The following TRPM8 variants were observed in gnomAD, a reference collection of about 807,000 sequenced individuals.
TRPM8 encodes the protein transient receptor potential cation channel subfamily M member 8.
Under a neutral mutation model 133.7 loss-of-function variants are expected in TRPM8, and 110 were observed. The ratio of observed to expected loss-of-function variants is 0.82; its 90% CI spans 0.70 to 0.96. The LOEUF (loss-of-function observed/expected upper bound fraction) is 0.96. Among genes scored for constraint, TRPM8 ranks in the 40% least tolerant of loss-of-function variants. The probability of loss-of-function intolerance (pLI) is 0.00; values close to 1 mark genes in which losing one functional copy is unlikely to be tolerated. For missense variants in TRPM8, 1,291 were observed against 1,379.5 expected (o/e 0.94, Z 1.02); for synonymous variants, 535 against 532.3 (o/e 1.01, Z -0.07).
intron 8 of TRPM8, 138 bp from the exon 9 acceptor site, chr2:233,949,811 T>C: frequency 1.5e-6 from 1 of 664,414 alleles, no homozygotes. Context: ...TTGCTTCTGA[T>C]TTAAAATAAA....
chr2:233,993,477 A>G (rs1443515163), intron 21 of TRPM8, among the ~76,000 whole-genome samples: 2 of 152,212 alleles, frequency 1.3e-5, no homozygotes, highest in East Asian at 3.8e-4. Flanking sequence ...GTCATTGGTC[A>G]GATGTGTCAA....
At chr2:233,951,736 G>T (rs1205352834) in intron 9 of TRPM8, among the ~76,000 whole-genome samples, 2 of 152,076 alleles carry the variant, frequency 1.3e-5, no homozygotes, top group Admixed American at 6.5e-5. Flanking sequence ...CAGAAAACAT[G>T]CATCAATAAT....
intron 20 of TRPM8, among the ~76,000 whole-genome samples, chr2:233,984,546 G>A (rs1559541697): frequency 6.6e-6 from 1 of 152,206 alleles, no homozygotes; most frequent in East Asian, 1.9e-4. Context: ...TCATCCACTA[G>A]TTTTGTTGAT....
intron 11 of TRPM8, among the ~76,000 whole-genome samples, chr2:233,957,237 G>C (rs866146440): frequency 6.6e-6 from 1 of 152,034 alleles, no homozygotes; most frequent in Non-Finnish European, 1.5e-5. Context: ...TGTAATCCCA[G>C]CACTTTGAGA....
chr2:233,920,178 G>A (rs182848788), intron 1 of TRPM8, among the ~76,000 whole-genome samples: 4 of 152,304 alleles, frequency 2.6e-5, no homozygotes, highest in Admixed American at 1.3e-4. Context: ...AGAAACTGTA[G>A]GAACTGTTGG....
At chr2:233,973,828 G>A (rs1691795971) in intron 17 of TRPM8, among the ~76,000 whole-genome samples, 1 of 152,166 alleles carries the variant, frequency 6.6e-6, no homozygotes, top group Admixed American at 6.5e-5. Flanking sequence ...TTTAAAACAG[G>A]GTGGGCCCAG....
chr2:233,942,805 G>C lies in TRPM8; in HGVS notation c.699+57G>C, dbSNP rs774360475. On this transcript the variant is annotated intron_variant, in intron 6 of 25. Transcript: ENST00000324695. ...TCACATGGAAGAAAGACCATGGCAT[G>C]GGCCTGTGGCCTGAACCCTGGGGCT... 4.4e-6 allele frequency: 7 copies of C among 1,605,508 alleles called. No homozygotes were observed. The Admixed American group carries it at 1.2e-4, about 27-fold the overall frequency.
At position 233,928,002 on chromosome 2, in the gene TRPM8, C is replaced by T. The variant is rs188349213; in HGVS notation, c.117+1348C>T. Among the ~76,000 whole-genome samples the T allele has an allele frequency of 1.1e-4, 15 of 139,786 alleles. No individual in the cohort carries two copies. The Admixed American group carries it at 1.1e-3, about 10-fold the overall frequency. The allele number at this position is 139,786 out of a possible 152,430, so 91.7% of individuals were successfully genotyped here. A position where few individuals can be genotyped will look rare whatever the true frequency, so the allele number is the denominator to read the frequency against. On this transcript the variant is annotated intron_variant, in intron 2 of 25. Transcript: ENST00000324695. ...TTTTTTTTTTTGAGACGGAGTCTCG[C>T]TGTATCGCCCAGGCTGGAGTGCAGT...
intron 5 of TRPM8, among the ~76,000 whole-genome samples, chr2:233,940,588 T>C (rs1308633415): frequency 6.6e-6 from 1 of 152,174 alleles, no homozygotes; most frequent in Non-Finnish European, 1.5e-5. Flanking sequence ...AGTGAAGTGA[T>C]TGAGGAAGTT....
intron 20 of TRPM8, among the ~76,000 whole-genome samples, chr2:233,984,021 G>C (rs1479103255): frequency 6.6e-6 from 1 of 152,100 alleles, no homozygotes; most frequent in Non-Finnish European, 1.5e-5. Flanking sequence ...GTCACTCCCA[G>C]TCTGCACACT....
intron 5 of TRPM8, among the ~76,000 whole-genome samples, chr2:233,941,535 G>T (rs946241952): frequency 1.3e-5 from 2 of 152,112 alleles, no homozygotes; most frequent in Non-Finnish European, 2.9e-5. Flanking sequence ...TCAGCAAAGG[G>T]GCTTTCTAAC....
In TRPM8 at chr2:233,930,846, C is replaced by A. The variant is rs1003204167; in HGVS notation, c.191+105C>A. The A allele has an allele frequency of 8.4e-6, 6 of 710,502 alleles. No individual in the cohort carries two copies. The South Asian group carries it at 9.9e-5, about 12-fold the overall frequency. The allele number at this position is 710,502 out of a possible 1,614,324, so 44.0% of individuals were successfully genotyped here. Reference sequence around the variant, plus strand: ...CCTAGTTCATTATTAAAGATGTCTTCGTCTTATAATTCTCAGAAACACTGT... The same window carrying A: ...CCTAGTTCATTATTAAAGATGTCTTAGTCTTATAATTCTCAGAAACACTGT... On this transcript the variant is annotated intron_variant, in intron 3 of 25. Coordinates refer to ENST00000324695, the MANE Select transcript of TRPM8 (RefSeq NM_024080.5).
intron 21 of TRPM8, among the ~76,000 whole-genome samples, chr2:233,986,459 C>G (rs1414220197): frequency 6.6e-6 from 1 of 152,090 alleles, no homozygotes; most frequent in Non-Finnish European, 1.5e-5. Flanking sequence ...TCAAAGAGCC[C>G]CAGTGGTAGT....
chr2:234,000,189 C>G (rs375338965), intron 22 of TRPM8, among the ~76,000 whole-genome samples: 19 of 151,716 alleles, frequency 1.3e-4, no homozygotes, highest in African/African-American at 4.6e-4. Flanking sequence ...CGGCTCACTG[C>G]AACCTCCGCC....
At chr2:233,917,478 T>C (rs200655570) in intron 1 of TRPM8, 46 bp downstream of exon 1, 28 of 152,186 alleles carry the variant, frequency 1.8e-4, no homozygotes, top group African/African-American at 6.0e-4. Context: ...AATGTTGCCA[T>C]TGCTGTAACT....
intron 11 of TRPM8, among the ~76,000 whole-genome samples, chr2:233,956,676 C>T (rs776484625): frequency 4.3e-4 from 66 of 152,236 alleles, no homozygotes; most frequent in Middle Eastern, 3.4e-3. Flanking sequence ...GACTAAGACT[C>T]GATTTATATT....
chr2:233,956,819 A>G (rs996397235), intron 11 of TRPM8, among the ~76,000 whole-genome samples: 15 of 152,222 alleles, frequency 9.9e-5, no homozygotes, highest in African/African-American at 3.4e-4. Flanking sequence ...TGCACATTGC[A>G]AGGCTTTAAT....
chr2:233,918,453 T>C (rs1186857057), intron 1 of TRPM8, among the ~76,000 whole-genome samples: 1 of 152,112 alleles, frequency 6.6e-6, no homozygotes, highest in Non-Finnish European at 1.5e-5. Context: ...GTGAAGACAG[T>C]AGGGGTCCAG....
chr2:234,002,464 C>T (rs997281651), intron 22 of TRPM8, among the ~76,000 whole-genome samples: 2 of 152,128 alleles, frequency 1.3e-5, no homozygotes, highest in Non-Finnish European at 2.9e-5. Context: ...ATGAAACATA[C>T]ATCATGACAC....
Sources: allele counts gnomAD v4.1 joint callset (sites outside exome capture counted in the v4.1 genomes callset), GRCh38; gene constraint gnomAD v4.1.1; transcripts MANE v1.5; gene names NCBI Gene and HGNC (gene_info 2026-07-23, HGNC 2026-07-21).